ZNF503: variants seen among roughly 807,000 people sequenced by gnomAD.
ZNF503 encodes the protein NocA-like zinc finger 2.
ZNF503 carries 15 observed loss-of-function variants against 34.4 expected under a neutral mutation model. The ratio of observed to expected loss-of-function variants is 0.44; its 90% CI spans 0.29 to 0.67. ZNF503 has a LOEUF of 0.67. ZNF503 is among the 30% of genes least tolerant of loss of function. The probability of loss-of-function intolerance (pLI) is 0.13; values close to 1 mark genes in which losing one functional copy is unlikely to be tolerated. For missense variants in ZNF503, 1,007 were observed against 926.8 expected, an observed-to-expected ratio of 1.09 and a Z score of -1.12; for synonymous variants, 580 against 456.8, an observed-to-expected ratio of 1.27 and a Z score of -3.44.
chr10:75,328,263 T>A, the ZNF503 span, among the ~76,000 whole-genome samples: 1 of 152,288 alleles, frequency 6.6e-6, no homozygotes, highest in East Asian at 1.9e-4. Context: ...TTATTTTAAT[T>A]TTTTATATGG....
chr10:75,331,166 C>CT, the ZNF503 span, among the ~76,000 whole-genome samples: 1 of 152,198 alleles, frequency 6.6e-6, no homozygotes, highest in Non-Finnish European at 1.5e-5. Flanking sequence ...AGAAAAGACA[C>CT]TTGATATGAT....
chr10:75,357,628 T>A, the ZNF503 span, among the ~76,000 whole-genome samples: 73 of 152,226 alleles, frequency 4.8e-4, no homozygotes, highest in Non-Finnish European at 9.3e-4. Flanking sequence ...TCTGATGGCA[T>A]TGTTAGCAGA....
In ZNF503 at chr10:75,399,971, C is replaced by T; in HGVS notation, c.719G>A (p.Gly240Asp). Residue 240 changes from glycine (G) to aspartate (D), a missense_variant, in exon 2 of 2, where the codon GGT (glycine) becomes GAT (aspartate). Physicochemically the swap from Gly to Asp is moderately conservative, Grantham distance 94. Coordinates refer to ENST00000372524, the MANE Select transcript of ZNF503 (RefSeq NM_032772.6). Reference protein sequence around the residue: ...SSSASACSPGGMLSSAGGAPE... With the variant: ...SSSASACSPGDMLSSAGGAPE... The stretch of plus-strand genomic sequence containing the variant: ...GGCACCCCCGGCCGAGGACAGCATA[C>T]CTCCCGGCGAGCAGGCCGAGGCGCT... The T allele has an allele frequency of 6.2e-7, 1 of 1,606,552 alleles. No individual in the cohort carries two copies. The highest frequency in any genetic ancestry group is 8.5e-7 in the Non-Finnish European group (1 of 1,179,532).
At chr10:75,368,233 A>G in the ZNF503 span, among the ~76,000 whole-genome samples, 6 of 152,176 alleles carry the variant, frequency 3.9e-5, no homozygotes, top group African/African-American at 9.7e-5. Flanking sequence ...TTGAGCAGAA[A>G]GTGGTATGCC....
chr10:75,382,445 AC>A, the ZNF503 span: 2 of 495,138 alleles, frequency 4.0e-6, no homozygotes, highest in South Asian at 3.5e-5. Context: ...CATTCTCTTT[AC>A]CTCCTCTCTG....
chr10:75,279,751 T>C, the ZNF503 span: 1 of 152,374 alleles, frequency 6.6e-6, no homozygotes, highest in Admixed American at 6.5e-5. Flanking sequence ...GAAATTTATT[T>C]CTAACAGTTC....
At chr10:75,347,412 C>T in the ZNF503 span, among the ~76,000 whole-genome samples, 35 of 152,354 alleles carry the variant, frequency 2.3e-4, no homozygotes, top group Admixed American at 2.0e-4. Context: ...CGCGGAAGCC[C>T]GAGAAGTGTG....
chr10:75,380,695 C>T, the ZNF503 span, among the ~76,000 whole-genome samples: 1 of 152,182 alleles, frequency 6.6e-6, no homozygotes, highest in African/African-American at 2.4e-5. Flanking sequence ...AAATAGAATG[C>T]AATCATGTCA....
At chr10:75,395,490 G>C (rs898521672), downstream of ZNF503, among the ~76,000 whole-genome samples, 1 of 152,036 alleles carries the variant, frequency 6.6e-6, no homozygotes, top group Admixed American at 6.5e-5. This position sits in a 1 kb window ranked among gnomAD's most constrained non-coding sequence, Gnocchi z 4.4. Context: ...CTGCAGCGCC[G>C]CCTGGTGGAC....
the ZNF503 span, among the ~76,000 whole-genome samples, chr10:75,354,585 C>T: frequency 6.6e-6 from 1 of 152,070 alleles, no homozygotes; most frequent in South Asian, 2.1e-4. Flanking sequence ...CATTGTGGCA[C>T]ATGCCTATAG....
rs1377363996 is a variant in ZNF503 at position 75,399,510 on chromosome 10, G to A, written c.1180C>T (p.Leu394=). ...TKPGSLVGAQ[L]AAAAAGSLGC... ...AGAGACCCGGCCGCGGCCGCCGCCA[G>A]CTGCGCCCCCACCAGGCTGCCCGGC... The change falls in exon 2 of 2, where the codon CTG becomes TTG. Residue 394 remains leucine (L), a synonymous_variant. Coordinates refer to ENST00000372524, the MANE Select transcript of ZNF503 (RefSeq NM_032772.6). 1 of 1,577,016 alleles carries A rather than the reference G, an allele frequency of 6.3e-7. No homozygotes were observed. Among genetic ancestry groups the A allele is most frequent in the African/African-American group, 1.3e-5 (1 of 74,280 alleles).
chr10:75,315,660 C>T, the ZNF503 span, among the ~76,000 whole-genome samples: 2 of 151,964 alleles, frequency 1.3e-5, no homozygotes, highest in Non-Finnish European at 2.9e-5. Flanking sequence ...AGGAAGACAA[C>T]AAAAGAGCAA....
chr10:75,284,417 A>C, the ZNF503 span, among the ~76,000 whole-genome samples: 2 of 143,588 alleles, frequency 1.4e-5, no homozygotes, highest in African/African-American at 5.3e-5. Context: ...AGAGTGGGGA[A>C]GGGTACTGGG....
At chr10:75,338,794 C>T in the ZNF503 span, among the ~76,000 whole-genome samples, 2 of 152,210 alleles carry the variant, frequency 1.3e-5, no homozygotes, top group African/African-American at 4.8e-5. Context: ...AGAAGGAACA[C>T]ACACAGATTG....
At chr10:75,321,993 A>G in the ZNF503 span, among the ~76,000 whole-genome samples, 1 of 152,190 alleles carries the variant, frequency 6.6e-6, no homozygotes, top group Non-Finnish European at 1.5e-5. Flanking sequence ...TTATTTTAGT[A>G]GTTGCCATGG....
At chr10:75,386,213 G>A in the ZNF503 span, among the ~76,000 whole-genome samples, 3 of 152,162 alleles carry the variant, frequency 2.0e-5, no homozygotes, top group Admixed American at 1.3e-4. Flanking sequence ...GACACTGTGC[G>A]CTTCTTCCTC....
At chr10:75,334,012 G>C in the ZNF503 span, among the ~76,000 whole-genome samples, 4 of 120,540 alleles carry the variant, frequency 3.3e-5, no homozygotes, top group Admixed American at 3.2e-4. Flanking sequence ...TCACTTCCTA[G>C]ATGGGATGGC....
chr10:75,320,726 T>C, the ZNF503 span, among the ~76,000 whole-genome samples: 1 of 152,086 alleles, frequency 6.6e-6, no homozygotes, highest in African/African-American at 2.4e-5. Flanking sequence ...CAATCACATA[T>C]GTTTTTTTCC....
the ZNF503 span, among the ~76,000 whole-genome samples, chr10:75,366,957 C>A: frequency 6.6e-6 from 1 of 152,200 alleles, no homozygotes; most frequent in African/African-American, 2.4e-5. Context: ...TCCTGATTCA[C>A]TTCCCACTCC....
Sources: allele counts gnomAD v4.1 joint callset (sites outside exome capture counted in the v4.1 genomes callset), GRCh38; gene constraint gnomAD v4.1.1; non-coding constraint Gnocchi (gnomAD v3.1); transcripts MANE v1.5; gene names NCBI Gene and HGNC (gene_info 2026-07-23, HGNC 2026-07-21).